Variants in USP7 observed in about 807,000 individuals in gnomAD.
USP7 encodes ubiquitin C-terminal hydrolase 7.
Under a neutral mutation model 162.9 loss-of-function variants are expected in USP7, and 9 were observed. The ratio of observed to expected loss-of-function variants is 0.06; its 90% CI spans 0.03 to 0.10. The LOEUF (loss-of-function observed/expected upper bound fraction) is 0.10. USP7 is among the 10% of genes least tolerant of loss of function. The pLI is 1.00. For missense variants in USP7, 715 were observed against 1,373.7 expected (o/e 0.52, Z 7.58); for synonymous variants, 562 against 475.9 (o/e 1.18, Z -2.35).
intron 10 of USP7, 63 bp from the exon 11 acceptor site, chr16:8,910,890 G>T: frequency 7.5e-7 from 1 of 1,341,980 alleles, no homozygotes; most frequent in Non-Finnish European, 1.1e-6. Context: ...GCCAACACAG[G>T]TGTAAGTTAT....
At chr16:8,913,780 T>C (rs1441662492) in intron 10 of USP7, among the ~76,000 whole-genome samples, 1 of 152,048 alleles carries the variant, frequency 6.6e-6, no homozygotes, top group Non-Finnish European at 1.5e-5. Flanking sequence ...AGAGAGATAC[T>C]TGCTCTGTTG....
At chr16:8,902,324 A>G in intron 17 of USP7, 57 bp downstream of exon 17, 1 of 1,592,900 alleles carries the variant, frequency 6.3e-7, no homozygotes, top group Non-Finnish European at 8.6e-7. Context: ...CACTAAGTGC[A>G]GAGGACTAAC....
chr16:8,961,128 A>G (rs922526717), intron 1 of USP7, among the ~76,000 whole-genome samples: 1 of 152,180 alleles, frequency 6.6e-6, no homozygotes, highest in Non-Finnish European at 1.5e-5. Flanking sequence ...TTTATGAGAA[A>G]AGAAAGTAGC....
chr16:8,940,365 A>G (rs140152394), intron 1 of USP7, among the ~76,000 whole-genome samples: 29 of 152,358 alleles, frequency 1.9e-4, no homozygotes, highest in African/African-American at 6.7e-4. Context: ...GCTCCAGCAC[A>G]GGACCAGCCT....
Position 8,901,158 on chromosome 16 carries a change from T to C in USP7, c.2124A>G (p.Pro708=), listed in dbSNP as rs1596354967. 6.2e-7 allele frequency: 1 copy of C among 1,614,062 alleles called. No homozygotes were observed. Among genetic ancestry groups the C allele is most frequent in the Non-Finnish European group, 8.5e-7 (1 of 1,179,918 alleles). The part of the protein sequence containing the change: ...SLNYCGHIYT[P]ISCKIRDLLP... ...AGGACTTACGTATTTTACAGGATAT[T>C]GGTGTGTAGATATGCCCACAGTAAT... The change falls in exon 19 of 31, where the codon CCA becomes CCG. Residue 708 remains proline, a synonymous_variant. Coordinates refer to ENST00000344836, the MANE Select transcript of USP7 (RefSeq NM_003470.3).
chr16:8,934,059 A>G (rs1355895961), intron 1 of USP7, among the ~76,000 whole-genome samples: 1 of 152,226 alleles, frequency 6.6e-6, no homozygotes, highest in East Asian at 1.9e-4. Flanking sequence ...CGCCTGGCCT[A>G]TAAATCTTAA....
At position 8,928,293 on chromosome 16, in the gene USP7, C is replaced by A. The variant is rs140531415; in HGVS notation, c.184+2000G>T. On this transcript the variant is annotated intron_variant, in intron 2 of 30. Transcript: ENST00000344836. ...AATGAGGTGCTTCCCAGATTGTGTG[C>A]CCTAGTCTGAAATGGACACTCAACA... is the stretch of plus-strand genomic sequence containing the variant. Among the ~76,000 whole-genome samples, 428 of 152,220 alleles carry A rather than the reference C, an allele frequency of 2.8e-3. 2 individuals carry two copies. The highest frequency in any genetic ancestry group is 9.5e-3 in the African/African-American group (395 of 41,534).
intron 1 of USP7, among the ~76,000 whole-genome samples, chr16:8,955,694 G>A (rs910591628): frequency 1.0e-5 from 1 of 98,178 alleles, no homozygotes; most frequent in Admixed American, 1.7e-4. Context: ...AACAGAGCAC[G>A]ATTCCATCTC....
chr16:8,916,935 TCTA>T (rs1447576469), intron 7 of USP7, 88 bp downstream of exon 7: 31 of 1,405,596 alleles, frequency 2.2e-5, no homozygotes, highest in African/African-American at 4.5e-5. Context: ...TACAGTATGC[TCTA>T]CTAACTTTTC....
In USP7 at chr16:8,918,352, T is replaced by G. The variant is rs571207025; in HGVS notation, c.720+679A>C. ...TAGAACTAACTCATCTATATTAGAT[T>G]TAATGTATGTCTATTCTTTTTGTTA... is the stretch of plus-strand genomic sequence containing the variant. On this transcript the variant is annotated intron_variant, in intron 6 of 30. Transcript: ENST00000344836. Among the ~76,000 whole-genome samples, 6 of 152,320 alleles carry G rather than the reference T, an allele frequency of 3.9e-5. No individual in the cohort carries two copies. The East Asian group carries it at 9.6e-4, about 24-fold the overall frequency.
At chr16:8,940,049 G>C (rs1366035646) in intron 1 of USP7, among the ~76,000 whole-genome samples, 4 of 152,080 alleles carry the variant, frequency 2.6e-5, no homozygotes, top group Admixed American at 6.6e-5. Flanking sequence ...AGTGAGCTGA[G>C]ATCATGCCAC....
chr16:8,920,528 GTACTTAA>G, intron 4 of USP7, 81 bp from the exon 5 acceptor site: 1 of 1,144,844 alleles, frequency 8.7e-7, no homozygotes, highest in Non-Finnish European at 1.3e-6. Flanking sequence ...TTAGTGCCCT[GTACTTAA>G]TAGAGATGAA....
Position 8,903,332 on chromosome 16 carries a change from G to A in USP7, c.1775C>T (p.Thr592Ile), listed in dbSNP as rs1449987707. 7 of 1,614,174 alleles carry A rather than the reference G, an allele frequency of 4.3e-6. No homozygotes were observed. In the Admixed American group the frequency reaches 6.7e-5, roughly 15 times the overall value. ...DMYDEEKVKY[T>I]VFKVLKNSSL... The stretch of plus-strand genomic sequence containing the variant: ...GGAGTTCTTCAATACTTTGAACACA[G>A]TGTATTTCACTTTTTCTTCATCGTA... The change falls in exon 16 of 31, where the codon ACT becomes ATT. Residue 592 changes from threonine (T) to isoleucine (I), a missense_variant. Coordinates refer to ENST00000344836, the MANE Select transcript of USP7 (RefSeq NM_003470.3).
intron 1 of USP7, among the ~76,000 whole-genome samples, chr16:8,941,420 G>A (rs1195950471): frequency 2.0e-5 from 3 of 152,092 alleles, no homozygotes; most frequent in Admixed American, 6.5e-5. Flanking sequence ...AGCCTAATAC[G>A]TTACTTTTCC....
In USP7 at chr16:8,894,542, AC is replaced by A; in HGVS notation, c.3202+7del. ...CACACCAGCCCCCGGGGGGGGGAGA[AC>A]CCTTACCGGGCTGTGGCTCAAAGTC... is the stretch of plus-strand genomic sequence containing the variant. On this transcript the variant is annotated splice_region_variant and intron_variant, in intron 30 of 30. Transcript: ENST00000344836. The A allele has an allele frequency of 6.2e-7, 1 of 1,610,552 alleles. No individual in the cohort carries two copies.
chr16:8,898,246 G>T (rs981271882), intron 25 of USP7, 114 bp downstream of exon 25: 51 of 907,614 alleles, frequency 5.6e-5, no homozygotes, highest in South Asian at 3.6e-4. Context: ...CCCATCATGT[G>T]CTGTTGTTTA....
intron 2 of USP7, among the ~76,000 whole-genome samples, chr16:8,925,696 A>G (rs1441007670): frequency 6.6e-6 from 1 of 152,180 alleles, no homozygotes; most frequent in Admixed American, 6.5e-5. Context: ...CACAGTGGTT[A>G]GTTCACAATT....
In USP7 at chr16:8,910,845, GA is replaced by G. The variant is rs747642811; in HGVS notation, c.1079-19del. Reference sequence around the variant, plus strand: ...TTCAAATACTTTAAAGAGAGAGAGAGAAAAGTCAAGTGCTAAAGCTTCATTT... The same window carrying G: ...TTCAAATACTTTAAAGAGAGAGAGAGAAAGTCAAGTGCTAAAGCTTCATTT... On this transcript the variant is annotated intron_variant, in intron 10 of 30. Transcript: ENST00000344836. 3.0e-5 allele frequency: 48 copies of G among 1,594,706 alleles called. No homozygotes were observed. Among genetic ancestry groups the G allele is most frequent in the Non-Finnish European group, 4.1e-5 (48 of 1,163,760 alleles).
At chr16:8,911,259 A>G (rs1225710284) in intron 10 of USP7, among the ~76,000 whole-genome samples, 1 of 152,214 alleles carries the variant, frequency 6.6e-6, no homozygotes, top group South Asian at 2.1e-4. Context: ...GGTGGGGTGG[A>G]AGTTGGTCCT....
Sources: allele counts gnomAD v4.1 joint callset (sites outside exome capture counted in the v4.1 genomes callset), GRCh38; gene constraint gnomAD v4.1.1; transcripts MANE v1.5; gene names NCBI Gene and HGNC (gene_info 2026-07-23, HGNC 2026-07-21).